Variants in ACKR5 observed in about 807,000 individuals in gnomAD.
ACKR5 encodes G protein-coupled receptor 182.
chr12:56,996,539 T>C, the ACKR5 span: 6 of 869,656 alleles, frequency 6.9e-6, no homozygotes, highest in South Asian at 7.2e-5. Context: ...ATTTTGAATC[T>C]ATCTTAAAAT....
chr12:56,996,656 G>T, the ACKR5 span: 21 of 478,062 alleles, frequency 4.4e-5, no homozygotes, highest in Non-Finnish European at 7.9e-5. Flanking sequence ...CAGAAAAAAA[G>T]GTGAAATAAA....
chr12:56,995,574 G>A, the ACKR5 span: 1 of 1,614,168 alleles, frequency 6.2e-7, no homozygotes, highest in Non-Finnish European at 8.5e-7. The surrounding 1 kb of genome is among the most constrained non-coding windows in gnomAD (Gnocchi z 4.7). Flanking sequence ...TGGCTCTGGG[G>A]CAGCTTCTCC....
At chr12:56,996,515 A>C in the ACKR5 span, 1 of 1,161,680 alleles carries the variant, frequency 8.6e-7, no homozygotes, top group Non-Finnish European at 1.2e-6. Flanking sequence ...GGAGGGTCAA[A>C]GCACTCGTGG....
chr12:56,995,940 G>A, the ACKR5 span: 40 of 1,612,306 alleles, frequency 2.5e-5, no homozygotes, highest in South Asian at 4.4e-5. This position sits in a 1 kb window ranked among gnomAD's most constrained non-coding sequence, Gnocchi z 4.7. Context: ...ACAGCCTGCC[G>A]GCTGCGGCAG....
the ACKR5 span, chr12:56,998,203 G>A: frequency 6.6e-6 from 1 of 152,118 alleles, no homozygotes; most frequent in Non-Finnish European, 1.5e-5. Flanking sequence ...CACCTTAGAG[G>A]CCACGCTCCC....
chr12:56,995,410 G>A, the ACKR5 span: 1 of 1,614,222 alleles, frequency 6.2e-7, no homozygotes, highest in Non-Finnish European at 8.5e-7. The surrounding 1 kb of genome is among the most constrained non-coding windows in gnomAD (Gnocchi z 4.7). Context: ...TTGTGGTTGG[G>A]CTGGTGGAGA....
chr12:56,995,558 T>C, the ACKR5 span: 2 of 1,614,182 alleles, frequency 1.2e-6, no homozygotes, highest in East Asian at 2.2e-5. The surrounding 1 kb of genome is among the most constrained non-coding windows in gnomAD (Gnocchi z 4.7). Flanking sequence ...CACGCTGGAC[T>C]ACACCTGGCT....
the ACKR5 span, chr12:56,996,462 C>T: frequency 6.5e-7 from 1 of 1,529,280 alleles, no homozygotes; most frequent in African/African-American, 1.4e-5. Context: ...AAGGAAAAGG[C>T]ACAGGTGAGA....
the ACKR5 span, chr12:56,995,969 C>T: frequency 3.0e-4 from 476 of 1,611,418 alleles, no homozygotes; most frequent in Non-Finnish European, 3.5e-4. The surrounding 1 kb of genome is among the most constrained non-coding windows in gnomAD (Gnocchi z 4.7). Flanking sequence ...ACCCAAGAGC[C>T]GGCGCCACTG....
chr12:56,995,708 C>T, the ACKR5 span: 152 of 1,613,696 alleles, frequency 9.4e-5, no homozygotes, highest in Non-Finnish European at 1.2e-4. This position sits in a 1 kb window ranked among gnomAD's most constrained non-coding sequence, Gnocchi z 4.7. Context: ...GCGTTACCAG[C>T]ACCGAGTGCG....
the ACKR5 span, chr12:56,997,621 G>T: frequency 2.0e-5 from 3 of 152,164 alleles, no homozygotes; most frequent in African/African-American, 7.2e-5. Flanking sequence ...TGAAGTAAAG[G>T]CCTAAGAACA....
chr12:56,996,968 G>A, the ACKR5 span: 1 of 152,952 alleles, frequency 6.5e-6, no homozygotes, highest in Non-Finnish European at 1.5e-5. Flanking sequence ...GCCATGATAA[G>A]TGAAGGCGGA....
chr12:56,997,826 G>C, the ACKR5 span: 1 of 152,200 alleles, frequency 6.6e-6, no homozygotes, highest in African/African-American at 2.4e-5. Context: ...TGAGAAATCA[G>C]AACTGTTCTG....
chr12:56,995,621 T>C, the ACKR5 span: 2 of 1,614,026 alleles, frequency 1.2e-6, no homozygotes, highest in Admixed American at 3.3e-5. The surrounding 1 kb of genome is among the most constrained non-coding windows in gnomAD (Gnocchi z 4.7). Context: ...TGTCAACATG[T>C]ATAGCAGCAT....
the ACKR5 span, chr12:56,996,215 G>A: frequency 6.2e-7 from 1 of 1,614,076 alleles, no homozygotes. Context: ...GAATGCTGTA[G>A]TCCATTACCT....
At chr12:56,994,953 T>G in the ACKR5 span, among the ~76,000 whole-genome samples, 3 of 152,008 alleles carry the variant, frequency 2.0e-5, no homozygotes, top group African/African-American at 7.2e-5. Flanking sequence ...GAAATGTTGG[T>G]GGACACCAAC....
At chr12:56,996,247 G>C in the ACKR5 span, 4 of 1,614,080 alleles carry the variant, frequency 2.5e-6, no homozygotes, top group East Asian at 6.7e-5. Context: ...AGACCAAGGC[G>C]GGCACATGCG....
chr12:56,997,937 A>T, the ACKR5 span: 1 of 152,232 alleles, frequency 6.6e-6, no homozygotes, highest in East Asian at 1.9e-4. Flanking sequence ...CAAACCTGAA[A>T]GGGTCTTAAG....
At chr12:56,995,840 T>C in the ACKR5 span, 2 of 1,613,904 alleles carry the variant, frequency 1.2e-6, no homozygotes, top group South Asian at 2.2e-5. The surrounding 1 kb of genome is among the most constrained non-coding windows in gnomAD (Gnocchi z 4.7). Flanking sequence ...TTTTGAAACG[T>C]ACAGCACCTG....
Sources: allele counts gnomAD v4.1 joint callset (sites outside exome capture counted in the v4.1 genomes callset), GRCh38; gene constraint gnomAD v4.1.1; non-coding constraint Gnocchi (gnomAD v3.1); transcripts MANE v1.5; gene names NCBI Gene and HGNC (gene_info 2026-07-23, HGNC 2026-07-21).